Variants in TRPM7 observed in about 807,000 individuals in gnomAD.
TRPM7 encodes transient receptor potential cation channel subfamily M member 7.
TRPM7 carries 134 observed loss-of-function variants against 229.7 expected under a neutral mutation model. That is an observed-to-expected ratio of 0.58 (90% CI 0.51 to 0.67). The LOEUF (loss-of-function observed/expected upper bound fraction) is 0.67. Among genes scored for constraint, TRPM7 ranks in the 30% least tolerant of loss-of-function variants. The pLI is 0.00. For missense variants in TRPM7, 1,901 were observed against 2,210.0 expected (o/e 0.86, Z 2.80); for synonymous variants, 699 against 715.2 (o/e 0.98, Z 0.36).
At chr15:50,594,081 A>G (rs1017413529) in intron 24 of TRPM7, among the ~76,000 whole-genome samples, 2 of 152,216 alleles carry the variant, frequency 1.3e-5, no homozygotes, top group Non-Finnish European at 2.9e-5. Flanking sequence ...GTAAAATTTT[A>G]AGCATAATTT....
intron 10 of TRPM7, among the ~76,000 whole-genome samples, chr15:50,629,858 CCT>C: frequency 8.4e-6 from 1 of 118,666 alleles, no homozygotes; most frequent in Non-Finnish European, 1.8e-5. Context: ...CTCTTTTTAA[CCT>C]TTTTTTTTTT....
At position 50,662,987 on chromosome 15, in the gene TRPM7, T is replaced by C; in HGVS notation, c.63A>G (p.Pro21=). 1.2e-6 allele frequency: 2 copies of C among 1,613,438 alleles called. No individual in the cohort carries two copies. Among genetic ancestry groups the C allele is most frequent in the Non-Finnish European group, 1.7e-6 (2 of 1,179,678 alleles). The part of the protein sequence containing the change: ...LTKRECVYII[P]SSKDPHRCLP... ...CTTACCTGTGAGGGTCCTTGGAACT[T>C]GGTATAATATATACACATTCCCTCT... The change falls in exon 2 of 39, where the codon CCA becomes CCG. Residue 21 remains proline, a synonymous_variant. Coordinates refer to ENST00000646667, the MANE Select transcript of TRPM7 (RefSeq NM_017672.6).
intron 29 of TRPM7, among the ~76,000 whole-genome samples, chr15:50,581,155 T>TA (rs1476748717): frequency 3.9e-5 from 6 of 152,330 alleles, no homozygotes; most frequent in Admixed American, 1.3e-4. Flanking sequence ...ATTGTCTTTC[T>TA]ATTCTTTATG....
chr15:50,682,811 T>C (rs117035204), intron 1 of TRPM7, among the ~76,000 whole-genome samples: 3,953 of 152,162 alleles, frequency 0.026, 78 homozygotes, highest in Non-Finnish European at 0.039. Flanking sequence ...CTGATTCACA[T>C]AAATGACTCA....
chr15:50,647,384 G>T (rs1246520893), intron 4 of TRPM7, among the ~76,000 whole-genome samples: 1 of 152,110 alleles, frequency 6.6e-6, no homozygotes, highest in Non-Finnish European at 1.5e-5. Context: ...ACCCACCTTG[G>T]ATTCCCAAAG....
intron 1 of TRPM7, among the ~76,000 whole-genome samples, chr15:50,664,287 C>T (rs1363441447): frequency 3.9e-5 from 5 of 128,182 alleles, no homozygotes; most frequent in Non-Finnish European, 7.8e-5. Flanking sequence ...TCCAGCCTGG[C>T]GACAGAGCAA....
chr15:50,670,296 AG>A (rs1264697370), intron 1 of TRPM7, among the ~76,000 whole-genome samples: 1 of 152,152 alleles, frequency 6.6e-6, no homozygotes, highest in Admixed American at 6.6e-5. Flanking sequence ...ATAGGGGCTG[AG>A]TAAAATAAGG....
chr15:50,630,777 T>C (rs1489264223), intron 10 of TRPM7, among the ~76,000 whole-genome samples: 1 of 152,050 alleles, frequency 6.6e-6, no homozygotes, highest in African/African-American at 2.4e-5. Flanking sequence ...GCTCAAGCAA[T>C]CCTCCCGCCT....
chr15:50,578,606 T>G, intron 31 of TRPM7, 33 bp downstream of exon 31: 2 of 1,603,704 alleles, frequency 1.2e-6, no homozygotes, highest in Non-Finnish European at 1.7e-6. Flanking sequence ...AGATTCTCAT[T>G]TTTTTCACGT....
chr15:50,581,013 C>A, intron 29 of TRPM7, 105 bp from the exon 30 acceptor site: 2 of 1,028,982 alleles, frequency 1.9e-6, no homozygotes, highest in African/African-American at 1.6e-5. Flanking sequence ...GAATGAAAGG[C>A]CAAAAAACTA....
chr15:50,676,779 C>T (rs1400996086), intron 1 of TRPM7, among the ~76,000 whole-genome samples: 1 of 151,978 alleles, frequency 6.6e-6, no homozygotes, highest in Non-Finnish European at 1.5e-5. Context: ...ACTTATAGAA[C>T]CAGAATACCC....
intron 4 of TRPM7, among the ~76,000 whole-genome samples, chr15:50,644,797 CAAAAAA>C (rs201997665): frequency 6.2e-5 from 4 of 64,824 alleles, no homozygotes; most frequent in African/African-American, 3.6e-4. Flanking sequence ...AACTGCGTCT[CAAAAAA>C]AAAAAAAAAA....
intron 12 of TRPM7, among the ~76,000 whole-genome samples, chr15:50,622,512 C>T (rs1021408308): frequency 3.3e-5 from 5 of 152,186 alleles, no homozygotes; most frequent in Non-Finnish European, 7.3e-5. Context: ...AATGAATAAT[C>T]CTTTTAATTT....
In TRPM7 at chr15:50,634,462, A is replaced by AG; in HGVS notation, c.926dup (p.Val310CysfsTer7). On this transcript the variant is annotated frameshift_variant, in exon 8 of 39. Transcript: ENST00000646667. LOFTEE classifies it high-confidence loss of function. The stretch of plus-strand genomic sequence containing the variant: ...TTCCTTCACACACAACTACTGGAAC[A>AG]GGGGGGCTTTCCTGAAGGTATTCAA... 6.3e-7 allele frequency: 1 copy of AG among 1,586,422 alleles called. No individual in the cohort carries two copies. Among genetic ancestry groups the AG allele is most frequent in the Non-Finnish European group, 8.6e-7 (1 of 1,168,626 alleles).
chr15:50,670,522 A>G (rs930029355), intron 1 of TRPM7, among the ~76,000 whole-genome samples: 8 of 152,184 alleles, frequency 5.3e-5, no homozygotes, highest in Middle Eastern at 3.2e-3. Context: ...CACCATACTA[A>G]AAGACACTCT....
chr15:50,570,076 C>T (rs1222698991), intron 37 of TRPM7, 28 bp downstream of exon 37: 2 of 1,598,984 alleles, frequency 1.3e-6, no homozygotes, highest in East Asian at 2.2e-5. Context: ...TGAAATTATG[C>T]CTTAATGAAA....
intron 1 of TRPM7, among the ~76,000 whole-genome samples, chr15:50,679,539 T>TATATATATATATA (rs1491586861): frequency 9.0e-5 from 2 of 22,306 alleles, no homozygotes; most frequent in African/African-American, 2.1e-4. Context: ...TATATATATA[T>TATATATATATATA]TTTTTTTTTT....
intron 1 of TRPM7, among the ~76,000 whole-genome samples, chr15:50,663,264 C>A (rs1475665095): frequency 6.6e-6 from 1 of 152,028 alleles, no homozygotes; most frequent in Non-Finnish European, 1.5e-5. Context: ...GGGTAGCTGG[C>A]AGTACAGGCA....
At chr15:50,593,216 G>A (rs1382836440) in intron 25 of TRPM7, among the ~76,000 whole-genome samples, 1 of 152,104 alleles carries the variant, frequency 6.6e-6, no homozygotes, top group Non-Finnish European at 1.5e-5. Context: ...TTGAACCTGG[G>A]AGGCGGAAGT....
Sources: allele counts gnomAD v4.1 joint callset (sites outside exome capture counted in the v4.1 genomes callset), GRCh38; gene constraint gnomAD v4.1.1; transcripts MANE v1.5; gene names NCBI Gene and HGNC (gene_info 2026-07-23, HGNC 2026-07-21).